Variants in ADGRE3 observed in about 807,000 individuals in gnomAD.
ADGRE3 encodes adhesion G protein-coupled receptor E3.
A neutral mutation model predicts 80.1 loss-of-function variants in ADGRE3; 88 were observed. That is an observed-to-expected ratio of 1.10 (90% CI 0.93 to 1.31). The LOEUF (loss-of-function observed/expected upper bound fraction) is 1.31. Ranked by LOEUF, ADGRE3 falls within the 40% of genes most tolerant of loss-of-function variation. ADGRE3 has a pLI of 0.00. For synonymous variants in ADGRE3, 281 were observed against 294.8 expected, an observed-to-expected ratio of 0.95 and a Z score of 0.48; for missense variants, 715 against 776.5, an observed-to-expected ratio of 0.92 and a Z score of 0.94.
chr19:14,638,235 T>C lies in ADGRE3; in HGVS notation c.1354A>G (p.Thr452Ala). The change falls in exon 11 of 16, where the codon ACA (threonine) becomes GCA (alanine). Residue 452 changes from threonine to alanine, a missense_variant. Transcript: ENST00000253673. ...VHLFLTARNLTVVNYSSINRL... is the reference protein window; with the variant it reads ...VHLFLTARNLAVVNYSSINRL... The stretch of plus-strand genomic sequence containing the variant: ...TTGATGCTTGAGTAGTTGACCACTG[T>C]CAGGTTCCGTGCAGTGAGGAAGAGG... The C allele has an allele frequency of 1.2e-6, 2 of 1,614,038 alleles. No homozygotes were observed. The highest frequency in any genetic ancestry group is 1.7e-6 in the Non-Finnish European group (2 of 1,179,954).
intron 10 of ADGRE3, among the ~76,000 whole-genome samples, chr19:14,638,690 C>T (rs1052042683): frequency 6.6e-6 from 1 of 152,044 alleles, no homozygotes; most frequent in African/African-American, 2.4e-5. Flanking sequence ...CAGAATGTGC[C>T]ACCTCCACCT....
chr19:14,653,175 A>G (rs1971654736), intron 6 of ADGRE3, among the ~76,000 whole-genome samples: 1 of 151,846 alleles, frequency 6.6e-6, no homozygotes, highest in Non-Finnish European at 1.5e-5. Flanking sequence ...ACAGGGTTTC[A>G]CCATGTTGGC....
At chr19:14,620,525 AATATATATATTTTATATATATATTAT>A (rs1223078708) in intron 15 of ADGRE3, among the ~76,000 whole-genome samples, 2 of 29,436 alleles carry the variant, frequency 6.8e-5, no homozygotes, top group Non-Finnish European at 6.0e-5. Context: ...ACTATATATG[AATATATATATTTTATATATATATTAT>A]ATATATATAT....
chr19:14,638,031 C>A, intron 11 of ADGRE3, 74 bp downstream of exon 11: 1 of 1,059,136 alleles, frequency 9.4e-7, no homozygotes, highest in East Asian at 2.4e-5. Flanking sequence ...TATATTCCCA[C>A]CATCATCATG....
intron 15 of ADGRE3, among the ~76,000 whole-genome samples, chr19:14,620,525 AATATATATATTTTATATATATATT>A (rs1281632237): frequency 6.8e-4 from 20 of 29,414 alleles, no homozygotes; most frequent in Non-Finnish European, 9.7e-4. Flanking sequence ...ACTATATATG[AATATATATATTTTATATATATATT>A]ATATATATAT....
chr19:14,671,361 C>T (rs1972251801), intron 1 of ADGRE3, among the ~76,000 whole-genome samples: 1 of 152,090 alleles, frequency 6.6e-6, no homozygotes, highest in Non-Finnish European at 1.5e-5. Context: ...CTTCTAGAAG[C>T]TGCCTGCATT....
At chr19:14,646,411 CT>C in intron 8 of ADGRE3, among the ~76,000 whole-genome samples, 1 of 151,884 alleles carries the variant, frequency 6.6e-6, no homozygotes, top group Non-Finnish European at 1.5e-5. Flanking sequence ...TTCTTCTTTT[CT>C]TTTTTTGTTT....
the ADGRE3 span, among the ~76,000 whole-genome samples, chr19:14,606,292 C>T: frequency 6.6e-6 from 1 of 150,834 alleles, no homozygotes; most frequent in Non-Finnish European, 1.5e-5. Flanking sequence ...CTTTGGGAGA[C>T]TTACAGTGAC....
intron 9 of ADGRE3, among the ~76,000 whole-genome samples, chr19:14,641,983 AT>A (rs1474517873): frequency 1.3e-5 from 2 of 152,170 alleles, no homozygotes; most frequent in Middle Eastern, 3.4e-3. Flanking sequence ...TGGACATATG[AT>A]TTTTTTCCCC....
chr19:14,671,392 C>A (rs1051147653), intron 1 of ADGRE3, among the ~76,000 whole-genome samples: 3 of 152,098 alleles, frequency 2.0e-5, no homozygotes, highest in African/African-American at 7.2e-5. Context: ...CGGACCCTTC[C>A]TCCTTCTTTA....
intron 4 of ADGRE3, among the ~76,000 whole-genome samples, chr19:14,659,214 T>C (rs12980931): frequency 0.15 from 22,017 of 149,420 alleles, 1,700 homozygotes; most frequent in Middle Eastern, 0.27. Context: ...TTTTTTTTTT[T>C]GTATTTTTTG....
At chr19:14,647,460 A>G (rs1324157737) in intron 7 of ADGRE3, 95 bp from the exon 8 acceptor site, 3 of 1,003,428 alleles carry the variant, frequency 3.0e-6, no homozygotes, top group South Asian at 1.7e-5. Context: ...TCGCCCAGCC[A>G]GGCTGGAGTG....
At chr19:14,628,441 A>AAAATAAAT (rs564499487) in intron 14 of ADGRE3, among the ~76,000 whole-genome samples, 289 of 152,020 alleles carry the variant, frequency 1.9e-3, no homozygotes, top group Non-Finnish European at 2.8e-3. Context: ...TCTGTCTCAA[A>AAAATAAAT]AAATAAATAA....
intron 5 of ADGRE3, among the ~76,000 whole-genome samples, chr19:14,656,568 C>G (rs1372162912): frequency 6.6e-6 from 1 of 152,032 alleles, no homozygotes; most frequent in Non-Finnish European, 1.5e-5. Context: ...ACTTACTGCT[C>G]GGGGAAGGCT....
rs1568477294 is a variant in ADGRE3 at position 14,630,086 on chromosome 19, G to A, written c.1765C>T (p.Leu589Phe). The A allele has an allele frequency of 6.2e-7, 1 of 1,612,398 alleles. No homozygotes were observed. The change falls in exon 14 of 16, where the codon CTC becomes TTC. Residue 589 changes from leucine to phenylalanine, a missense_variant. By Grantham distance (22) the Leu-to-Phe change is conservative (BLOSUM62 0). Coordinates refer to ENST00000253673, the MANE Select transcript of ADGRE3 (RefSeq NM_032571.5). ...MAYLFTIINSLQGFFIFLVYC... is the reference protein window; with the variant it reads ...MAYLFTIINSFQGFFIFLVYC... ...ACCAAGAAGATGAAGAAGCCTTGGA[G>A]GCTGTTGATGATGGTGAAGAGGTAG...
chr19:14,674,662 A>T lies in ADGRE3; in HGVS notation c.25+84T>A, dbSNP rs139914308. ...GAGTGTTCAGAGCAGAAGAAAGAGGAGGAGAAAATAACCAATTGTTGAACC... is the reference window on the plus strand; with the variant it reads ...GAGTGTTCAGAGCAGAAGAAAGAGGTGGAGAAAATAACCAATTGTTGAACC... On this transcript the variant is annotated intron_variant, in intron 1 of 15. Coordinates refer to ENST00000253673, the MANE Select transcript of ADGRE3 (RefSeq NM_032571.5). The T allele has an allele frequency of 3.0e-5, 41 of 1,364,472 alleles. No individual in the cohort carries two copies. The East Asian group carries it at 9.0e-4, about 30-fold the overall frequency. 84.5% of individuals were successfully genotyped at this position (1,364,472 alleles called of 1,614,324 possible). A position where few individuals can be genotyped will look rare whatever the true frequency, so the allele number is the denominator to read the frequency against.
At chr19:14,644,384 A>G (rs1351602638) in intron 8 of ADGRE3, 109 bp from the exon 9 acceptor site, 2 of 738,886 alleles carry the variant, frequency 2.7e-6, no homozygotes, top group Non-Finnish European at 4.1e-6. Context: ...GCAGTGGCTC[A>G]ATCTCGGCTC....
At chr19:14,620,537 T>TATATATATAA (rs1415988959) in intron 15 of ADGRE3, among the ~76,000 whole-genome samples, 14 of 18,448 alleles carry the variant, frequency 7.6e-4, no homozygotes, top group African/African-American at 4.0e-3. Flanking sequence ...TATATATATT[T>TATATATATAA]TATATATATA....
intron 13 of ADGRE3, 93 bp from the exon 14 acceptor site, chr19:14,630,300 G>T: frequency 9.7e-7 from 1 of 1,030,940 alleles, no homozygotes; most frequent in Non-Finnish European, 1.3e-6. Flanking sequence ...GAACTCTGGA[G>T]CTAGACTACC....
Sources: allele counts gnomAD v4.1 joint callset (sites outside exome capture counted in the v4.1 genomes callset), GRCh38; gene constraint gnomAD v4.1.1; transcripts MANE v1.5; gene names NCBI Gene and HGNC (gene_info 2026-07-23, HGNC 2026-07-21).